The following NAT10 variants were observed in gnomAD, a reference collection of about 807,000 sequenced individuals.
NAT10 encodes RNA cytidine acetyltransferase.
In NAT10, 109 loss-of-function variants were observed where a neutral mutation model predicts 132.2. That is an observed-to-expected ratio of 0.82 (90% confidence interval 0.71 to 0.97). The LOEUF (loss-of-function observed/expected upper bound fraction) is 0.97. Ranked by LOEUF, NAT10 falls within the 50% of genes least tolerant of loss-of-function variation. NAT10 has a pLI of 0.00. For synonymous variants in NAT10, 479 were observed against 478.0 expected (o/e 1.00, Z -0.03); for missense variants, 1,184 against 1,263.4 (o/e 0.94, Z 0.95).
intron 6 of NAT10, among the ~76,000 whole-genome samples, chr11:34,116,833 G>A (rs764220894): frequency 6.6e-6 from 1 of 152,136 alleles, no homozygotes; most frequent in Non-Finnish European, 1.5e-5. Flanking sequence ...GACCTCAAGT[G>A]ATCTGCCCCA....
intron 5 of NAT10, 120 bp downstream of exon 5, chr11:34,113,958 G>T: frequency 8.4e-7 from 1 of 1,184,972 alleles, no homozygotes; most frequent in Non-Finnish European, 1.2e-6. Flanking sequence ...ACAGCCTCTG[G>T]GCTAAGAGCT....
intron 8 of NAT10, 101 bp from the exon 9 acceptor site, chr11:34,122,358 A>G (rs1851909088): frequency 6.7e-7 from 1 of 1,492,364 alleles, no homozygotes. Context: ...CCGCCCTCTT[A>G]TTTAGCCTGG....
Position 34,141,092 on chromosome 11 carries a change from C to A in NAT10, c.2596C>A (p.Leu866Ile), listed in dbSNP as rs751461455. ...DLALSAAQSA[L>I]LLGIGLQHKS... ...CAGCAGATTTTCCATCCTTTAGGCT[C>A]TTCTCTTGGGGATTGGCCTGCAGCA... The change falls in exon 25 of 29, where the codon CTT becomes ATT. Residue 866 changes from leucine to isoleucine, a missense_variant. Leu to Ile is a conservative substitution (Grantham distance 5). Coordinates refer to ENST00000257829, the MANE Select transcript of NAT10 (RefSeq NM_024662.3). 7.4e-6 allele frequency: 12 copies of A among 1,613,818 alleles called. No individual in the cohort carries two copies. Among genetic ancestry groups the A allele is most frequent in the Non-Finnish European group, 1.0e-5 (12 of 1,179,998 alleles).
intron 5 of NAT10, 144 bp from the exon 6 acceptor site, chr11:34,115,679 C>A: frequency 1.6e-6 from 1 of 639,550 alleles, no homozygotes; most frequent in South Asian, 2.9e-5. Flanking sequence ...TCAGCAAATA[C>A]CATTTGGCAC....
chr11:34,123,297 C>T (rs1239900652), intron 9 of NAT10, among the ~76,000 whole-genome samples: 1 of 152,240 alleles, frequency 6.6e-6, no homozygotes, highest in Non-Finnish European at 1.5e-5. Flanking sequence ...CTTCGTTCTT[C>T]CTGCTGCTCT....
chr11:34,141,599 GTGT>G (rs1852333139), intron 25 of NAT10, 117 bp from the exon 26 acceptor site: 3 of 823,742 alleles, frequency 3.6e-6, no homozygotes, highest in Middle Eastern at 5.7e-4. Context: ...AAACTGTAGA[GTGT>G]TGCTTTGTGT....
chr11:34,137,616 C>T (rs1025309381), intron 21 of NAT10, among the ~76,000 whole-genome samples: 2 of 152,184 alleles, frequency 1.3e-5, no homozygotes, highest in Admixed American at 1.3e-4. Context: ...GTGTTCATTG[C>T]TGTATTCCTC....
chr11:34,139,201 C>G lies in NAT10; in HGVS notation c.2222C>G (p.Thr741Ser). 1.2e-6 allele frequency: 2 copies of G among 1,613,948 alleles called. No homozygotes were observed. The change falls in exon 22 of 29, where the codon ACC becomes AGC. Residue 741 changes from threonine (T) to serine (S), a missense_variant. By Grantham distance (58) the Thr-to-Ser change is moderately conservative. Transcript: ENST00000257829. The stretch of plus-strand genomic sequence containing the variant: ...CTCTGTGTTGCCCAGAATGACCTGA[C>G]CGGAGAGCACTCGTGCATCATGCTG... ...VYLRQTPNDL[T>S]GEHSCIMLKT...
At position 34,144,246 on chromosome 11, in the gene NAT10, G is replaced by A. The variant is rs553302574; in HGVS notation, c.2969+718G>A. 6.6e-5 allele frequency among the ~76,000 whole-genome samples: 10 copies of A among 152,160 alleles called. No homozygotes were observed. In the East Asian group the frequency reaches 7.7e-4, roughly 12 times the overall value. On this transcript the variant is annotated intron_variant, in intron 28 of 28. Transcript: ENST00000257829. ...GCCCAGGTGTTCAAGACCAACCTGCGCAACATAGCAGACCCTGTCTCTGCA... is the reference window on the plus strand; with the variant it reads ...GCCCAGGTGTTCAAGACCAACCTGCACAACATAGCAGACCCTGTCTCTGCA...
At chr11:34,139,080 A>T in intron 21 of NAT10, 111 bp from the exon 22 acceptor site, 1 of 956,790 alleles carries the variant, frequency 1.0e-6, no homozygotes, top group Admixed American at 2.1e-5. Flanking sequence ...AAAGAAGGAG[A>T]GGCCTGCGGA....
chr11:34,106,631 G>T (rs140558313), intron 1 of NAT10, among the ~76,000 whole-genome samples: 1 of 152,168 alleles, frequency 6.6e-6, no homozygotes, highest in Non-Finnish European at 1.5e-5. Context: ...GCAACACAAG[G>T]TTTACAAGTT....
chr11:34,124,424 A>T (rs747089341), intron 11 of NAT10, 24 bp downstream of exon 11: 20 of 1,532,776 alleles, frequency 1.3e-5, no homozygotes, highest in South Asian at 1.2e-4. Context: ...TCAGACCCTG[A>T]TGTGCAGGGC....
chr11:34,145,439 G>GA (rs773607886), intron 28 of NAT10, among the ~76,000 whole-genome samples: 1 of 152,160 alleles, frequency 6.6e-6, no homozygotes, highest in Non-Finnish European at 1.5e-5. Context: ...TCCTTATAGG[G>GA]AAGTATTTGT....
chr11:34,112,006 G>T (rs754793252), intron 3 of NAT10, 46 bp from the exon 4 acceptor site: 2 of 1,607,016 alleles, frequency 1.2e-6, no homozygotes, highest in Non-Finnish European at 1.7e-6. Flanking sequence ...CTCTTTAGCT[G>T]CTCTGGTTAA....
rs374829766 is a variant in NAT10 at position 34,115,880 on chromosome 11, G to A, written c.553G>A (p.Glu185Lys). The A allele has an allele frequency of 2.5e-6, 4 of 1,613,996 alleles. No individual in the cohort carries two copies. Among genetic ancestry groups the A allele is most frequent in the East Asian group, 4.5e-5 (2 of 44,896 alleles). ...AHQDVVGRFNERFILSLASCK... is the reference protein window; with the variant it reads ...AHQDVVGRFNKRFILSLASCK... ...TCAGGATGTGGTGGGAAGATTTAAT[G>A]AAAGGTAATTCTATAGTTCCCCCCA... Residue 185 changes from glutamate to lysine, a missense_variant, in exon 6 of 29, where the codon GAA (glutamate) becomes AAA (lysine). By Grantham distance (56) the Glu-to-Lys change is moderately conservative (BLOSUM62 1). Coordinates refer to ENST00000257829, the MANE Select transcript of NAT10 (RefSeq NM_024662.3).
chr11:34,129,402 T>G (rs972835915), intron 12 of NAT10, among the ~76,000 whole-genome samples: 3 of 152,200 alleles, frequency 2.0e-5, no homozygotes, highest in Non-Finnish European at 4.4e-5. Context: ...TCTTTACATG[T>G]GCGTATTGGC....
In NAT10 at chr11:34,142,257, A is replaced by T; in HGVS notation, c.2812-18A>T. 6.2e-7 allele frequency: 1 copy of T among 1,612,868 alleles called. No individual in the cohort carries two copies. Among genetic ancestry groups the T allele is most frequent in the Non-Finnish European group, 8.5e-7 (1 of 1,178,956 alleles). On this transcript the variant is annotated intron_variant, in intron 26 of 28. Coordinates refer to ENST00000257829, the MANE Select transcript of NAT10 (RefSeq NM_024662.3). ...TCCTTGACTCTGACTTAGTCTCTTT[A>T]TGGGTCCTTAACCACAGGATGAAGC...
At chr11:34,142,249 G>A (rs59444203) in intron 26 of NAT10, 26 bp from the exon 27 acceptor site, 2 of 1,610,328 alleles carry the variant, frequency 1.2e-6, no homozygotes, top group East Asian at 4.5e-5. Context: ...CTCTGACTTA[G>A]TCTCTTTATG....
chr11:34,108,631 C>A, intron 2 of NAT10, 111 bp from the exon 3 acceptor site: 1 of 1,022,296 alleles, frequency 9.8e-7, no homozygotes, highest in Non-Finnish European at 1.5e-6. Context: ...TTGGGCACTT[C>A]CCTTCCCTGG....
Sources: gnomAD v4.1 joint callset for allele counts (sites outside exome capture counted in the v4.1 genomes callset) on GRCh38, gnomAD v4.1.1 for gene constraint, MANE v1.5 for transcripts, NCBI Gene and HGNC (gene_info 2026-07-23, HGNC 2026-07-21) for gene names.